NR3C1: variants seen among roughly 807,000 people sequenced by gnomAD.
The protein encoded by NR3C1 is glucocorticoid receptor.
Under a neutral mutation model 74.0 loss-of-function variants are expected in NR3C1, and 14 were observed. That is an observed-to-expected ratio of 0.19 (90% CI 0.12 to 0.30). NR3C1 has a LOEUF of 0.30. Ranked by LOEUF, NR3C1 falls within the 10% of genes least tolerant of loss-of-function variation. NR3C1 has a pLI of 1.00. For missense variants in NR3C1, 695 were observed against 909.8 expected, an observed-to-expected ratio of 0.76 and a Z score of 3.04; for synonymous variants, 308 against 332.5, an observed-to-expected ratio of 0.93 and a Z score of 0.80.
Position 143,403,222 on chromosome 5 carries a change from G to A in NR3C1, c.-25C>T. The A allele has an allele frequency of 3.0e-6, 3 of 985,432 alleles. No individual in the cohort carries two copies. The highest frequency in any genetic ancestry group is 4.7e-5 in the South Asian group (1 of 21,288). The allele number at this position is 985,432 out of a possible 1,614,324, so 61.0% of individuals were successfully genotyped here. A position where few individuals can be genotyped will look rare whatever the true frequency, so the allele number is the denominator to read the frequency against. On this transcript the variant is annotated 5_prime_UTR_variant, in exon 1 of 9. Coordinates refer to ENST00000394464, the MANE Select transcript of NR3C1 (RefSeq NM_000176.3). ...GCCTCGCTTCTTACCTCTGGCAGAGGAGCCGCTCGCCCGCCACCGTCCGCA... is the reference window on the plus strand; with the variant it reads ...GCCTCGCTTCTTACCTCTGGCAGAGAAGCCGCTCGCCCGCCACCGTCCGCA...
intron 7 of NR3C1, among the ~76,000 whole-genome samples, chr5:143,287,112 T>C (rs1287627299): frequency 1.3e-5 from 2 of 151,702 alleles, no homozygotes; most frequent in African/African-American, 4.8e-5. Flanking sequence ...CAACTAACAA[T>C]GGAAGCTTCT....
chr5:143,384,624 A>C (rs1836841955), intron 2 of NR3C1, among the ~76,000 whole-genome samples: 1 of 152,222 alleles, frequency 6.6e-6, no homozygotes, highest in South Asian at 2.1e-4. Flanking sequence ...AAATCTTAAA[A>C]ATCCAAAATG....
chr5:143,360,425 A>C (rs764718412), intron 2 of NR3C1, among the ~76,000 whole-genome samples: 26 of 152,240 alleles, frequency 1.7e-4, no homozygotes, highest in Admixed American at 1.3e-3. Flanking sequence ...TTTAAAAAAC[A>C]GGTAAAATTC....
upstream of NR3C1, chr5:143,405,236 C>T (rs180794332): frequency 2.0e-6 from 2 of 985,776 alleles, no homozygotes; most frequent in Admixed American, 6.1e-5. Context: ...CTTTTGCGCC[C>T]CCACAGGTGA....
At chr5:143,337,966 A>G (rs917660626) in intron 2 of NR3C1, among the ~76,000 whole-genome samples, 4 of 152,266 alleles carry the variant, frequency 2.6e-5, no homozygotes, top group East Asian at 1.9e-4. Flanking sequence ...GCAATATTCT[A>G]TTTCTTGCCC....
At position 143,308,351 on chromosome 5, in the gene NR3C1, A is replaced by G. The variant is rs1488435234; in HGVS notation, c.1468+1746T>C. Reference sequence around the variant, plus strand: ...AAATCAGCTGGGCATGGTAGTGTACATCCGTAGCCCTACTGGGTGGGAAGA... The same window carrying G: ...AAATCAGCTGGGCATGGTAGTGTACGTCCGTAGCCCTACTGGGTGGGAAGA... On this transcript the variant is annotated intron_variant, in intron 4 of 8. Transcript: ENST00000394464. 2.0e-5 allele frequency among the ~76,000 whole-genome samples: 3 copies of G among 152,132 alleles called. No homozygotes were observed. In the East Asian group the frequency reaches 5.8e-4, roughly 29 times the overall value.
At chr5:143,309,772 G>C (rs1287291261) in intron 4 of NR3C1, among the ~76,000 whole-genome samples, 1 of 152,186 alleles carries the variant, frequency 6.6e-6, no homozygotes, top group Non-Finnish European at 1.5e-5. Context: ...CTAGGGAATA[G>C]TTTTGAGGCT....
intron 2 of NR3C1, among the ~76,000 whole-genome samples, chr5:143,346,556 C>G (rs1352745243): frequency 2.0e-5 from 3 of 152,142 alleles, no homozygotes; most frequent in Non-Finnish European, 4.4e-5. Flanking sequence ...TTTTGTGTTA[C>G]TGTAAAATTT....
At chr5:143,321,335 T>C (rs934603856) in intron 2 of NR3C1, among the ~76,000 whole-genome samples, 1 of 152,224 alleles carries the variant, frequency 6.6e-6, no homozygotes, top group Non-Finnish European at 1.5e-5. Context: ...CAGACTTACA[T>C]GCAGAGATTT....
chr5:143,284,453 AATGGG>A (rs1279342650), intron 7 of NR3C1, among the ~76,000 whole-genome samples: 5 of 131,708 alleles, frequency 3.8e-5, no homozygotes, highest in African/African-American at 1.3e-4. Flanking sequence ...CTATATTAAC[AATGGG>A]TTAATTTTAC....
Position 143,347,845 on chromosome 5 carries a change from A to C in NR3C1, c.1185-33677T>G, listed in dbSNP as rs138701459. ...TTTGTTTTGTAGAGGATAAAGTCTA[A>C]ATTTCTTCAGTTAGCAAATATAGCT... On this transcript the variant is annotated intron_variant, in intron 2 of 8. Coordinates refer to ENST00000394464, the MANE Select transcript of NR3C1 (RefSeq NM_000176.3). Among the ~76,000 whole-genome samples the C allele has an allele frequency of 9.2e-5, 14 of 152,310 alleles. 1 individual carries two copies. The East Asian group carries it at 2.7e-3, about 29-fold the overall frequency.
At chr5:143,392,853 A>G (rs1382785044) in intron 2 of NR3C1, among the ~76,000 whole-genome samples, 1 of 152,234 alleles carries the variant, frequency 6.6e-6, no homozygotes, top group Non-Finnish European at 1.5e-5. Flanking sequence ...TATTATGTCA[A>G]TCAACTATTT....
chr5:143,391,399 CT>C (rs1352657277), intron 2 of NR3C1, among the ~76,000 whole-genome samples: 4 of 152,046 alleles, frequency 2.6e-5, no homozygotes, highest in Non-Finnish European at 5.9e-5. Context: ...TACTCAAGAG[CT>C]TTTTCAGACA....
At chr5:143,303,855 C>T (rs1258355770) in intron 4 of NR3C1, among the ~76,000 whole-genome samples, 7 of 151,962 alleles carry the variant, frequency 4.6e-5, no homozygotes, top group South Asian at 2.1e-4. Context: ...GAAAAAGTTG[C>T]GATAAAATCC....
At chr5:143,362,006 T>C (rs1026757816) in intron 2 of NR3C1, among the ~76,000 whole-genome samples, 8 of 152,168 alleles carry the variant, frequency 5.3e-5, no homozygotes, top group African/African-American at 1.7e-4. Context: ...GAGACAACAT[T>C]TGGGTTTTAC....
chr5:143,403,695 G>GCGCACACACT (rs63749049), upstream of NR3C1: 8 of 985,530 alleles, frequency 8.1e-6, no homozygotes, highest in East Asian at 5.7e-4. Context: ...GCGCCACGGC[G>GCGCACACACT]CGCACACACT....
intron 6 of NR3C1, among the ~76,000 whole-genome samples, chr5:143,298,067 A>G (rs1214333516): frequency 6.6e-6 from 1 of 152,194 alleles, no homozygotes; most frequent in Non-Finnish European, 1.5e-5. Flanking sequence ...AAACAACTGC[A>G]ATGAGGTAAG....
rs1839948274 is a variant in NR3C1 at position 143,399,958 on chromosome 5, T to C, written c.882A>G (p.Gln294=). ...GACAGTAAACTGTGCCCAGTTTCTCTTGCTTAATTACCCCAGGGGTGCAGA... is the reference window on the plus strand; with the variant it reads ...GACAGTAAACTGTGCCCAGTTTCTCCTGCTTAATTACCCCAGGGGTGCAGA... ...IELCTPGVIK[Q]EKLGTVYCQA... is the part of the protein sequence containing the mutation. Residue 294 remains glutamine, a synonymous_variant, in exon 2 of 9, where the codon CAA becomes CAG. Coordinates refer to ENST00000394464, the MANE Select transcript of NR3C1 (RefSeq NM_000176.3). 1 of 1,614,088 alleles carries C rather than the reference T, an allele frequency of 6.2e-7. No homozygotes were observed.
chr5:143,386,495 A>G (rs1294580424), intron 2 of NR3C1, among the ~76,000 whole-genome samples: 1 of 152,190 alleles, frequency 6.6e-6, no homozygotes, highest in African/African-American at 2.4e-5. Context: ...AGCAAGCTGC[A>G]GACAAAGGGG....
Sources: allele counts gnomAD v4.1 joint callset (sites outside exome capture counted in the v4.1 genomes callset), GRCh38; gene constraint gnomAD v4.1.1; transcripts MANE v1.5; gene names NCBI Gene and HGNC (gene_info 2026-07-23, HGNC 2026-07-21).